Variants in KSR2 observed in about 807,000 individuals in gnomAD.
KSR2 encodes kinase suppressor of ras 2.
In KSR2, 25 loss-of-function variants were observed where a neutral mutation model predicts 107.8. The observed-to-expected ratio is 0.23, with a 90% CI of 0.17 to 0.32. KSR2 has a LOEUF of 0.32. Among genes scored for constraint, KSR2 ranks in the 10% least tolerant of loss-of-function variants. KSR2 has a pLI of 1.00. For missense variants in KSR2, 887 were observed against 1,268.9 expected (o/e 0.70, Z 4.57); for synonymous variants, 480 against 507.0 (o/e 0.95, Z 0.71).
At chr12:117,801,891 G>A (rs141507269) in intron 3 of KSR2, among the ~76,000 whole-genome samples, 1 of 152,236 alleles carries the variant, frequency 6.6e-6, no homozygotes, top group African/African-American at 2.4e-5. Flanking sequence ...CCCTGGGGCT[G>A]AAGAATTGTA....
At chr12:117,471,136 G>A in intron 18 of KSR2, 55 bp downstream of exon 18, 1 of 1,599,052 alleles carries the variant, frequency 6.3e-7, no homozygotes, top group Non-Finnish European at 8.5e-7. Flanking sequence ...GAAGGCCCAT[G>A]ACTGTGTCTG....
At chr12:117,553,687 A>G (rs1309601781) in intron 9 of KSR2, among the ~76,000 whole-genome samples, 7 of 152,062 alleles carry the variant, frequency 4.6e-5, no homozygotes, top group Non-Finnish European at 1.0e-4. Context: ...GCCTAGTGGG[A>G]GGTACTTGGG....
chr12:117,908,802 T>C (rs1222446610), intron 1 of KSR2, among the ~76,000 whole-genome samples: 1 of 152,220 alleles, frequency 6.6e-6, no homozygotes, highest in African/African-American at 2.4e-5. Context: ...CACACTCAAG[T>C]TTCCACCGTG....
rs1188143217 is a variant in KSR2 at position 117,579,464 on chromosome 12, G to A, written c.1242-262C>T. Among the ~76,000 whole-genome samples, 9 of 152,144 alleles carry A rather than the reference G, an allele frequency of 5.9e-5. No homozygotes were observed. In the East Asian group the frequency reaches 1.5e-3, roughly 26 times the overall value. ...GGCATGTCAAGGGCTTCGTACAGTGGCTGGTACATAGTAAGCACTCGATAA... is the reference window on the plus strand; with the variant it reads ...GGCATGTCAAGGGCTTCGTACAGTGACTGGTACATAGTAAGCACTCGATAA... On this transcript the variant is annotated intron_variant, in intron 6 of 19. Coordinates refer to ENST00000339824, the MANE Select transcript of KSR2 (RefSeq NM_173598.6).
At chr12:117,473,065 A>C (rs1871572391) in intron 17 of KSR2, among the ~76,000 whole-genome samples, 1 of 152,144 alleles carries the variant, frequency 6.6e-6, no homozygotes, top group Middle Eastern at 3.2e-3. Flanking sequence ...TATACACCAG[A>C]GCCTGCTGAA....
rs538289517 is a variant in KSR2, at chr12:117,684,711, C to T, written c.987-17053G>A. 6.0e-4 allele frequency among the ~76,000 whole-genome samples: 92 copies of T among 152,246 alleles called. No homozygotes were observed. In the South Asian group the frequency reaches 7.5e-3, roughly 12 times the overall value. ...TCTCTCTGTGTCACATGCCAGGGGC[C>T]GGACACTGTGCTCATGACACATTAT... On this transcript the variant is annotated intron_variant, in intron 4 of 19. Transcript: ENST00000339824.
intron 4 of KSR2, chr12:117,674,227 A>G: frequency 2.1e-6 from 1 of 476,090 alleles, no homozygotes; most frequent in Non-Finnish European, 4.2e-6. Flanking sequence ...GAATGAGTTC[A>G]TTACTCTCCA....
chr12:117,939,424 G>A (rs375905201), intron 1 of KSR2, among the ~76,000 whole-genome samples: 2 of 152,158 alleles, frequency 1.3e-5, no homozygotes, highest in East Asian at 1.9e-4. Context: ...GATTTGAAAC[G>A]TGGCTGGGTC....
At chr12:117,471,356 G>T (rs371770597) in intron 17 of KSR2, 36 bp from the exon 18 acceptor site, 3 of 1,601,384 alleles carry the variant, frequency 1.9e-6, no homozygotes, top group East Asian at 4.5e-5. Flanking sequence ...TGTTGGTGTG[G>T]TGTGTCACTT....
chr12:117,885,707 A>G (rs116194170), intron 1 of KSR2, among the ~76,000 whole-genome samples: 5,175 of 151,070 alleles, frequency 0.034, 276 homozygotes, highest in African/African-American at 0.12. Context: ...TAAGGGGAGG[A>G]AGAGCATTAG....
intron 4 of KSR2, among the ~76,000 whole-genome samples, chr12:117,701,284 T>A (rs1327162141): frequency 6.6e-6 from 1 of 152,000 alleles, no homozygotes; most frequent in African/African-American, 2.4e-5. Flanking sequence ...GTAGAGACAG[T>A]GTTTCATCAT....
chr12:117,753,621 A>G (rs1212865588), intron 4 of KSR2, among the ~76,000 whole-genome samples: 1 of 152,156 alleles, frequency 6.6e-6, no homozygotes, highest in African/African-American at 2.4e-5. Flanking sequence ...ATGAGAACAC[A>G]TGGACACATA....
intron 1 of KSR2, among the ~76,000 whole-genome samples, chr12:117,927,256 A>G (rs1895548616): frequency 1.3e-5 from 2 of 151,948 alleles, no homozygotes; most frequent in South Asian, 4.1e-4. Flanking sequence ...CATGCCTGTA[A>G]ACCCAGCTAC....
chr12:117,831,181 C>T lies in KSR2; in HGVS notation c.472+24247G>A, dbSNP rs558346881. ...TTCATTTCACTCTTTCTTTCTCTTT[C>T]CCAATAAATCCACTTGGAAAGGAAG... is the stretch of plus-strand genomic sequence containing the variant. On this transcript the variant is annotated intron_variant, in intron 3 of 19. Transcript: ENST00000339824. 5.9e-5 allele frequency among the ~76,000 whole-genome samples: 9 copies of T among 152,312 alleles called. No individual in the cohort carries two copies. The East Asian group carries it at 1.7e-3, about 29-fold the overall frequency.
At chr12:117,641,971 C>T (rs7979936) in intron 5 of KSR2, among the ~76,000 whole-genome samples, 41,391 of 152,114 alleles carry the variant, frequency 0.27, 6,818 homozygotes, top group African/African-American at 0.46. Flanking sequence ...ACCTGCCAAG[C>T]TCTTTCAGCA....
intron 10 of KSR2, 94 bp from the exon 11 acceptor site, chr12:117,531,801 C>T: frequency 1.2e-6 from 1 of 824,358 alleles, no homozygotes; most frequent in Non-Finnish European, 1.9e-6. Flanking sequence ...CATGGTCATT[C>T]TCTGCCCACC....
chr12:117,731,545 G>C (rs1887708134), intron 4 of KSR2, among the ~76,000 whole-genome samples: 1 of 152,238 alleles, frequency 6.6e-6, no homozygotes, highest in South Asian at 2.1e-4. Flanking sequence ...GTACCCAACA[G>C]CTCATTGAGA....
rs147385342 is a variant in KSR2, at chr12:117,581,689, T to A, written c.1241+601A>T. On this transcript the variant is annotated intron_variant, in intron 6 of 19. Coordinates refer to ENST00000339824, the MANE Select transcript of KSR2 (RefSeq NM_173598.6). ...CTTCTTATAAGGGATGCCTGGTATA[T>A]GCAAACCCCCCTCCCTAAAAGGGCA... Among the ~76,000 whole-genome samples, 16 of 152,272 alleles carry A rather than the reference T, an allele frequency of 1.1e-4. No individual in the cohort carries two copies. In the East Asian group the frequency reaches 3.1e-3, roughly 29 times the overall value.
intron 3 of KSR2, among the ~76,000 whole-genome samples, chr12:117,771,471 C>T (rs1889448168): frequency 6.6e-6 from 1 of 152,208 alleles, no homozygotes; most frequent in Non-Finnish European, 1.5e-5. Flanking sequence ...TCAGGACCTC[C>T]TGAGGCTGTG....
Sources: allele counts gnomAD v4.1 joint callset (sites outside exome capture counted in the v4.1 genomes callset), GRCh38; gene constraint gnomAD v4.1.1; transcripts MANE v1.5; gene names NCBI Gene and HGNC (gene_info 2026-07-23, HGNC 2026-07-21).